Variants in SMG1 observed in about 807,000 individuals in gnomAD.
SMG1 encodes the protein SMG1 nonsense mediated mRNA decay associated PI3K related kinase.
Under a neutral mutation model 419.9 loss-of-function variants are expected in SMG1, and 22 were observed. That is an observed-to-expected ratio of 0.05 (90% confidence interval 0.04 to 0.07). The LOEUF (loss-of-function observed/expected upper bound fraction) is 0.07. Ranked by LOEUF, SMG1 falls within the 10% of genes least tolerant of loss-of-function variation. The pLI is 1.00. For missense variants in SMG1, 3,185 were observed against 4,342.0 expected (o/e 0.73, Z 7.49); for synonymous variants, 1,538 against 1,553.5 (o/e 0.99, Z 0.23).
intron 53 of SMG1, 28 bp downstream of exon 53, chr16:18,829,898 G>C (rs2033047886): frequency 5.3e-6 from 8 of 1,500,398 alleles, no homozygotes; most frequent in Non-Finnish European, 7.1e-6. Context: ...CATAGCTAAA[G>C]CTAGTATGTT....
At position 18,854,783 on chromosome 16, in the gene SMG1, C is replaced by T; in HGVS notation, c.4356G>A (p.Gln1452=). 2 of 1,614,054 alleles carry T rather than the reference C, an allele frequency of 1.2e-6. No homozygotes were observed. Among genetic ancestry groups the T allele is most frequent in the Non-Finnish European group, 1.7e-6 (2 of 1,179,894 alleles). ...CCTGTGCAGTGGTGGTCTTTCCCAGCTGAACTTCACTGCACTGTGCCAGCA... is the reference window on the plus strand; with the variant it reads ...CCTGTGCAGTGGTGGTCTTTCCCAGTTGAACTTCACTGCACTGTGCCAGCA... ...TRLLAQCSEV[Q]LGKTTTAQDL... is the part of the protein sequence containing the mutation. The change falls in exon 30 of 63, where the codon CAG becomes CAA. Residue 1452 remains glutamine, a synonymous_variant. Transcript: ENST00000446231.
intron 28 of SMG1, chr16:18,858,540 T>C (rs191226936): frequency 7.3e-6 from 2 of 275,460 alleles, no homozygotes; most frequent in African/African-American, 2.2e-5. Context: ...TTTATCAGTA[T>C]ACTTAATAAA....
In SMG1 at chr16:18,829,439, C is replaced by A; in HGVS notation, c.9450G>T (p.Lys3150Asn). The A allele has an allele frequency of 1.9e-6, 3 of 1,614,058 alleles. No individual in the cohort carries two copies. Among genetic ancestry groups the A allele is most frequent in the South Asian group, 1.1e-5 (1 of 91,092 alleles). Residue 3150 changes from lysine (K) to asparagine (N), a missense_variant, in exon 54 of 63, where the codon AAG becomes AAT. By Grantham distance (94) the Lys-to-Asn change is moderately conservative (BLOSUM62 0). Coordinates refer to ENST00000446231, the MANE Select transcript of SMG1 (RefSeq NM_015092.5). ...CCCTGTTCATAACCAGCTGAGAGAA[C>A]TTCCCTATCTGGATGTTATGTTCCA... is the stretch of plus-strand genomic sequence containing the variant. ...KAVEHNIQIG[K>N]FSQLVMNRAT...
intron 1 of SMG1, among the ~76,000 whole-genome samples, chr16:18,906,781 T>G (rs2037579329): frequency 6.6e-6 from 1 of 152,172 alleles, no homozygotes; most frequent in Non-Finnish European, 1.5e-5. Context: ...TTCTTCTAGC[T>G]CCTTAACACA....
At chr16:18,849,885 T>G in intron 35 of SMG1, 64 bp downstream of exon 35, 1 of 1,487,258 alleles carries the variant, frequency 6.7e-7, no homozygotes, top group Non-Finnish European at 9.1e-7. Flanking sequence ...GGAAACCACT[T>G]TTTGAAATCT....
chr16:18,815,218 C>T lies in SMG1; in HGVS notation c.10578G>A (p.Ser3526=), dbSNP rs749536329. ...PLVTDATNEC[S]SPTSSATYQP... ...GATAAGTAGCAGATGACGTTGGACT[C>T]GAACATTCATTTGTTGCATCGGTGA... The change falls in exon 60 of 63, where the codon TCG becomes TCA. Residue 3526 remains serine (S), a synonymous_variant. Coordinates refer to ENST00000446231, the MANE Select transcript of SMG1 (RefSeq NM_015092.5). 8 of 1,596,346 alleles carry T rather than the reference C, an allele frequency of 5.0e-6. No homozygotes were observed. In the East Asian group the frequency reaches 6.8e-5, roughly 14 times the overall value.
chr16:18,844,474 TACACACACACAC>T lies in SMG1; in HGVS notation c.6219+943_6219+954del, dbSNP rs71141074. On this transcript the variant is annotated intron_variant, in intron 39 of 62. Transcript: ENST00000446231. ...ACAACACCCCCCCCCCCCGCCCACC[TACACACACACAC>T]ACACACACACACACACACACACACA... is the stretch of plus-strand genomic sequence containing the variant. Among the ~76,000 whole-genome samples, 26 of 4,170 alleles carry T rather than the reference TACACACACACAC, an allele frequency of 6.2e-3. 1 individual carries two copies. The highest frequency in any genetic ancestry group is 0.028 in the African/African-American group (21 of 746). The allele number at this position is 4,170 out of a possible 152,430, so 2.7% of individuals were successfully genotyped here.
chr16:18,851,841 C>A (rs1389291592), intron 33 of SMG1, among the ~76,000 whole-genome samples: 2 of 152,122 alleles, frequency 1.3e-5, no homozygotes, highest in African/African-American at 4.8e-5. Flanking sequence ...CCGTGCCAGG[C>A]CAACTCACCT....
rs1301824896 is a variant in SMG1, at chr16:18,811,934, T to C, written c.10801+14A>G. Reference sequence around the variant, plus strand: ...TATATAAAAATTTAAGGCATCTTTATTCTAACTAATTACCTTTCCCAGTTT... The same window carrying C: ...TATATAAAAATTTAAGGCATCTTTACTCTAACTAATTACCTTTCCCAGTTT... On this transcript the variant is annotated intron_variant, in intron 61 of 62. Transcript: ENST00000446231. The C allele has an allele frequency of 6.2e-7, 1 of 1,613,146 alleles. No individual in the cohort carries two copies. Among genetic ancestry groups the C allele is most frequent in the African/African-American group, 1.3e-5 (1 of 74,938 alleles).
intron 50 of SMG1, among the ~76,000 whole-genome samples, chr16:18,833,628 T>C (rs2033358462): frequency 6.6e-6 from 1 of 152,048 alleles, no homozygotes; most frequent in Non-Finnish European, 1.5e-5. Context: ...TTAAAATATA[T>C]AATTTGTTAT....
intron 23 of SMG1, 75 bp downstream of exon 23, chr16:18,866,546 T>A (rs1410168573): frequency 7.4e-7 from 1 of 1,342,424 alleles, no homozygotes; most frequent in African/African-American, 1.4e-5. Context: ...AAGATTTGGC[T>A]ACAATGTCAG....
intron 22 of SMG1, among the ~76,000 whole-genome samples, chr16:18,867,700 C>CTTTT (rs778044384): frequency 2.2e-3 from 191 of 87,878 alleles, no homozygotes; most frequent in East Asian, 3.1e-3. Context: ...ATTTTAACTT[C>CTTTT]TTTTTTTTTT....
intron 13 of SMG1, among the ~76,000 whole-genome samples, chr16:18,874,792 G>T (rs2141641201): frequency 7.7e-6 from 1 of 129,754 alleles, no homozygotes; most frequent in South Asian, 2.7e-4. Context: ...CTGGAACCCG[G>T]GAGGCAGAGG....
In SMG1 at chr16:18,807,785, A is replaced by G. The variant is rs2141037308; in HGVS notation, c.*1784T>C. On this transcript the variant is annotated 3_prime_UTR_variant, in exon 63 of 63. Coordinates refer to ENST00000446231, the MANE Select transcript of SMG1 (RefSeq NM_015092.5). ...ATCTAGTCATTTATTTTTGACACAG[A>G]GTCTAGCTCTGTTGCCCAGGCTGGA... is the stretch of plus-strand genomic sequence containing the variant. 1 of 152,244 alleles carries G rather than the reference A, an allele frequency of 6.6e-6. No homozygotes were observed. Among genetic ancestry groups the G allele is most frequent in the African/African-American group, 2.4e-5 (1 of 41,548 alleles). The allele number at this position is 152,244 out of a possible 1,614,324, so 9.4% of individuals were successfully genotyped here.
intron 62 of SMG1, among the ~76,000 whole-genome samples, chr16:18,810,532 G>A (rs370770685): frequency 6.2e-4 from 95 of 152,242 alleles, no homozygotes; most frequent in African/African-American, 2.1e-3. Context: ...TGGGTTTATC[G>A]GGGTATTAAA....
At chr16:18,836,788 A>G (rs563274010) in intron 46 of SMG1, among the ~76,000 whole-genome samples, 1 of 152,364 alleles carries the variant, frequency 6.6e-6, no homozygotes, top group South Asian at 2.1e-4. Context: ...GATGCTTGAC[A>G]GATCTTTGTA....
At chr16:18,817,207 T>C in intron 57 of SMG1, 84 bp downstream of exon 57, 1 of 1,077,384 alleles carries the variant, frequency 9.3e-7, no homozygotes, top group Non-Finnish European at 1.2e-6. Flanking sequence ...GCTCAACGAA[T>C]GTAATCGGAA....
chr16:18,882,514 A>G (rs2036443313), intron 9 of SMG1, among the ~76,000 whole-genome samples, 176 bp from the exon 10 acceptor site: 1 of 152,210 alleles, frequency 6.6e-6, no homozygotes, highest in East Asian at 1.9e-4. Flanking sequence ...GTTTTACCTA[A>G]TTATTTCAAA....
chr16:18,817,654 C>A (rs1028676764), intron 56 of SMG1, among the ~76,000 whole-genome samples, 184 bp from the exon 57 acceptor site: 1 of 152,158 alleles, frequency 6.6e-6, no homozygotes, highest in Admixed American at 6.5e-5. Flanking sequence ...TACATTTATA[C>A]TGACACTGTT....
Sources: gnomAD v4.1 joint callset for allele counts (sites outside exome capture counted in the v4.1 genomes callset) on GRCh38, gnomAD v4.1.1 for gene constraint, MANE v1.5 for transcripts, NCBI Gene and HGNC (gene_info 2026-07-23, HGNC 2026-07-21) for gene names.